The following FBXL17 variants were observed in gnomAD, a reference collection of about 807,000 sequenced individuals.
FBXL17 encodes F-box and leucine rich repeat protein 17, also known as F-box/LRR-repeat protein 17.
Under a neutral mutation model 66.2 loss-of-function variants are expected in FBXL17, and 22 were observed. That is an observed-to-expected ratio of 0.33 (90% confidence interval 0.24 to 0.47). FBXL17 has a LOEUF of 0.47. Among genes scored for constraint, FBXL17 ranks in the 20% least tolerant of loss-of-function variants. FBXL17 has a pLI of 1.00. For missense variants in FBXL17, 878 were observed against 948.2 expected, an observed-to-expected ratio of 0.93 and a Z score of 0.97; for synonymous variants, 474 against 400.5, an observed-to-expected ratio of 1.18 and a Z score of -2.19.
intron 4 of FBXL17, among the ~76,000 whole-genome samples, chr5:108,335,927 A>G (rs1054129551): frequency 6.6e-6 from 1 of 152,086 alleles, no homozygotes; most frequent in Non-Finnish European, 1.5e-5. Context: ...AAAAAAAAAC[A>G]CAATTTAATC....
At chr5:107,908,093 C>T (rs1420403142) in intron 7 of FBXL17, among the ~76,000 whole-genome samples, 2 of 152,158 alleles carry the variant, frequency 1.3e-5, no homozygotes, top group Non-Finnish European at 2.9e-5. Context: ...GGCACATATA[C>T]ACCATGGAAT....
At chr5:107,889,732 T>C (rs150634578) in intron 7 of FBXL17, among the ~76,000 whole-genome samples, 5 of 152,328 alleles carry the variant, frequency 3.3e-5, no homozygotes, top group Admixed American at 1.3e-4. Context: ...TCAGTTCAAG[T>C]GAAGAATTTT....
intron 5 of FBXL17, among the ~76,000 whole-genome samples, chr5:108,223,470 A>G (rs1353791515): frequency 1.3e-4 from 20 of 152,328 alleles, no homozygotes; most frequent in East Asian, 1.2e-3. Context: ...CAAATTTCAG[A>G]TAACACATAG....
chr5:108,353,305 C>T (rs1230714229), intron 3 of FBXL17, among the ~76,000 whole-genome samples: 1 of 152,162 alleles, frequency 6.6e-6, no homozygotes, highest in Non-Finnish European at 1.5e-5. Context: ...AGAGAAACTA[C>T]TACCAGAAAC....
chr5:108,092,032 A>C (rs2149931074), intron 6 of FBXL17, among the ~76,000 whole-genome samples: 1 of 152,282 alleles, frequency 6.6e-6, no homozygotes, highest in Non-Finnish European at 1.5e-5. Context: ...ATTTTCTGGC[A>C]TTAGCTTTGG....
At chr5:108,140,543 C>T (rs1342703317) in intron 6 of FBXL17, among the ~76,000 whole-genome samples, 1 of 152,116 alleles carries the variant, frequency 6.6e-6, no homozygotes, top group East Asian at 1.9e-4. Flanking sequence ...TTCATTTTCT[C>T]TAGGGTTTCT....
chr5:107,929,131 T>G (rs971869869), intron 7 of FBXL17, among the ~76,000 whole-genome samples: 3 of 152,146 alleles, frequency 2.0e-5, no homozygotes, highest in African/African-American at 7.2e-5. Context: ...GAAAAGAAAC[T>G]CACTGTCAAT....
intron 6 of FBXL17, among the ~76,000 whole-genome samples, chr5:108,180,872 T>C (rs1752974646): frequency 6.6e-6 from 1 of 152,160 alleles, no homozygotes; most frequent in South Asian, 2.1e-4. Context: ...GCTCATATAT[T>C]TGATAATCCC....
At chr5:108,082,080 C>CT (rs1310385237) in intron 6 of FBXL17, among the ~76,000 whole-genome samples, 1 of 152,174 alleles carries the variant, frequency 6.6e-6, no homozygotes, top group African/African-American at 2.4e-5. Flanking sequence ...ACAGACTCAA[C>CT]TATAATCCTA....
intron 6 of FBXL17, among the ~76,000 whole-genome samples, chr5:108,104,799 CAT>C (rs747135652): frequency 2.6e-4 from 40 of 152,186 alleles, no homozygotes; most frequent in Admixed American, 4.6e-4. Flanking sequence ...GAAGGTTACA[CAT>C]AGAGTACTTT....
chr5:108,313,768 C>T (rs1018604040), intron 4 of FBXL17, among the ~76,000 whole-genome samples: 2 of 151,876 alleles, frequency 1.3e-5, no homozygotes, highest in South Asian at 2.1e-4. Context: ...AATATCTGTA[C>T]GTTGTAGTCA....
At chr5:108,304,910 C>T (rs1758767290) in intron 4 of FBXL17, among the ~76,000 whole-genome samples, 1 of 151,972 alleles carries the variant, frequency 6.6e-6, no homozygotes, top group Non-Finnish European at 1.5e-5. Context: ...CCATAAGGGA[C>T]CAATACTCTA....
chr5:107,934,575 A>G (rs746146365), intron 7 of FBXL17, among the ~76,000 whole-genome samples: 1 of 152,054 alleles, frequency 6.6e-6, no homozygotes, highest in African/African-American at 2.4e-5. Context: ...TTTCTTTCCT[A>G]TTGTAAAGTT....
In FBXL17 at chr5:108,132,813, T is replaced by C. The variant is rs531283978; in HGVS notation, c.1745+53304A>G. Among the ~76,000 whole-genome samples the C allele has an allele frequency of 1.8e-4, 27 of 152,334 alleles. No homozygotes were observed. The South Asian group carries it at 3.5e-3, about 20-fold the overall frequency. On this transcript the variant is annotated intron_variant, in intron 6 of 8. Transcript: ENST00000542267. ...GGCTGTGAAAACATCACTATGACCA[T>C]TGAAGTTTACATTGCCAGCTCTCAC...
chr5:108,078,636 G>C (rs1053211710), intron 6 of FBXL17, among the ~76,000 whole-genome samples: 1 of 152,032 alleles, frequency 6.6e-6, no homozygotes, highest in Admixed American at 6.6e-5. Context: ...TATTTTCTCC[G>C]AGAGCTGCTA....
At chr5:108,307,506 C>G (rs139931867) in intron 4 of FBXL17, among the ~76,000 whole-genome samples, 1 of 152,134 alleles carries the variant, frequency 6.6e-6, no homozygotes, top group Non-Finnish European at 1.5e-5. Flanking sequence ...CAGGGTCTCA[C>G]TATATTGCCC....
intron 5 of FBXL17, among the ~76,000 whole-genome samples, chr5:108,221,069 C>T (rs867166346): frequency 6.6e-6 from 1 of 152,192 alleles, no homozygotes; most frequent in Non-Finnish European, 1.5e-5. Context: ...TCTGGACTCT[C>T]ATTAACACAG....
chr5:108,199,623 A>T (rs897669489), intron 5 of FBXL17, among the ~76,000 whole-genome samples: 1 of 152,188 alleles, frequency 6.6e-6, no homozygotes, highest in African/African-American at 2.4e-5. Context: ...GTGGTAGTCT[A>T]AGAAAGAGTC....
intron 7 of FBXL17, among the ~76,000 whole-genome samples, chr5:107,963,963 T>C (rs1030566961): frequency 1.3e-5 from 2 of 152,202 alleles, no homozygotes; most frequent in Middle Eastern, 3.2e-3. Flanking sequence ...CTGAAGTTCA[T>C]CTTGCTTTAC....
Sources: allele counts gnomAD v4.1 joint callset (sites outside exome capture counted in the v4.1 genomes callset), GRCh38; gene constraint gnomAD v4.1.1; transcripts MANE v1.5; gene names NCBI Gene and HGNC (gene_info 2026-07-23, HGNC 2026-07-21).